Variants in STK3 observed in about 807,000 individuals in gnomAD.
STK3 encodes serine/threonine kinase 3.
A neutral mutation model predicts 58.0 loss-of-function variants in STK3; 41 were observed. The ratio of observed to expected loss-of-function variants is 0.71; its 90% CI spans 0.55 to 0.92. The LOEUF (loss-of-function observed/expected upper bound fraction) is 0.92. STK3 is among the 40% of genes least tolerant of loss of function. The probability of loss-of-function intolerance (pLI) is 0.00; values close to 1 mark genes in which losing one functional copy is unlikely to be tolerated. For missense variants in STK3, 479 were observed against 602.7 expected (o/e 0.79, Z 2.15); for synonymous variants, 170 against 191.0 (o/e 0.89, Z 0.91).
intron 6 of STK3, among the ~76,000 whole-genome samples, chr8:98,674,136 T>A (rs1383693821): frequency 6.6e-6 from 1 of 152,220 alleles, no homozygotes; most frequent in African/African-American, 2.4e-5. Flanking sequence ...TACTGCTATA[T>A]GTCATCCAAG....
At chr8:98,563,352 C>T (rs1008528813) in intron 8 of STK3, among the ~76,000 whole-genome samples, 2 of 152,052 alleles carry the variant, frequency 1.3e-5, no homozygotes, top group Non-Finnish European at 2.9e-5. Flanking sequence ...GAGTCAGACA[C>T]AACAGTATAA....
rs140159901 is a variant in STK3, at chr8:98,428,085, C to A, written n.483+6042G>T. On this transcript the variant is annotated intron_variant and non_coding_transcript_variant, in intron 3 of 3. Transcript: ENST00000517832. The surrounding 1 kb of genome is among the most constrained non-coding windows in gnomAD (Gnocchi z 6.7). ...GAGGAGGCTGCGCTCGCACACGCTG[C>A]TGCGCTTCCCCGAGACGCGCCTGGG... 1.5e-5 allele frequency: 25 copies of A among 1,613,716 alleles called. No individual in the cohort carries two copies. Among genetic ancestry groups the A allele is most frequent in the Non-Finnish European group, 1.9e-5 (22 of 1,179,990 alleles).
chr8:98,774,466 A>G (rs1386789281), intron 2 of STK3, among the ~76,000 whole-genome samples: 1 of 152,210 alleles, frequency 6.6e-6, no homozygotes, highest in African/African-American at 2.4e-5. Context: ...AGAATGCCGT[A>G]AGGGATGAAC....
chr8:98,827,438 A>G (rs1326866364), upstream of STK3, among the ~76,000 whole-genome samples: 7 of 152,216 alleles, frequency 4.6e-5, no homozygotes, highest in African/African-American at 1.7e-4. Flanking sequence ...AAGGAAACCA[A>G]TTTGAAGAGA....
At chr8:98,511,976 T>A (rs888097664) in intron 10 of STK3, among the ~76,000 whole-genome samples, 9 of 152,126 alleles carry the variant, frequency 5.9e-5, no homozygotes, top group Non-Finnish European at 8.8e-5. Context: ...TTAAATTTTT[T>A]AATTATTATT....
chr8:98,617,484 G>C (rs1817852652), intron 6 of STK3, among the ~76,000 whole-genome samples: 1 of 144,632 alleles, frequency 6.9e-6, no homozygotes, highest in African/African-American at 2.6e-5. Context: ...GAAGGAAATA[G>C]AGACACAAAA....
intron 6 of STK3, among the ~76,000 whole-genome samples, chr8:98,622,962 C>G (rs1368680051): frequency 6.6e-6 from 1 of 151,998 alleles, no homozygotes; most frequent in Non-Finnish European, 1.5e-5. Flanking sequence ...AATGATTGAG[C>G]AGTAGTATAT....
At chr8:98,624,316 C>G (rs1393622910) in intron 6 of STK3, among the ~76,000 whole-genome samples, 1 of 152,154 alleles carries the variant, frequency 6.6e-6, no homozygotes, top group Non-Finnish European at 1.5e-5. Context: ...CTAGCTCTAT[C>G]AGTGTAGCTG....
intron 6 of STK3, among the ~76,000 whole-genome samples, chr8:98,680,907 G>A (rs753066157): frequency 7.3e-5 from 11 of 151,582 alleles, no homozygotes; most frequent in Non-Finnish European, 1.3e-4. Flanking sequence ...AGATGTGGTG[G>A]GAATCCATTA....
chr8:98,705,277 G>C (rs1347214690), intron 6 of STK3, among the ~76,000 whole-genome samples: 3 of 151,974 alleles, frequency 2.0e-5, no homozygotes, highest in Admixed American at 2.0e-4. Flanking sequence ...GTTGGGCATG[G>C]TGGTGCATAC....
chr8:98,659,484 T>C (rs1821803537), intron 6 of STK3, among the ~76,000 whole-genome samples: 1 of 151,882 alleles, frequency 6.6e-6, no homozygotes, highest in African/African-American at 2.4e-5. Context: ...ATGTCAGCAA[T>C]ACAATTTTGA....
intron 3 of STK3, among the ~76,000 whole-genome samples, chr8:98,837,377 A>G (rs1835785791): frequency 6.6e-6 from 1 of 151,458 alleles, no homozygotes; most frequent in Admixed American, 6.6e-5. Context: ...AAAAAAAAAA[A>G]AAGAAAGAAA....
At chr8:98,407,587 G>A (rs1377834121) in intron 3 of STK3, among the ~76,000 whole-genome samples, 1 of 152,172 alleles carries the variant, frequency 6.6e-6, no homozygotes, top group African/African-American at 2.4e-5. Flanking sequence ...GAGAGGGTGG[G>A]GATATTTATG....
chr8:98,570,068 T>C (rs945062281), intron 8 of STK3, among the ~76,000 whole-genome samples: 62 of 147,812 alleles, frequency 4.2e-4, no homozygotes, highest in African/African-American at 1.5e-3. Flanking sequence ...TATAAAAATA[T>C]ATATTGTAAA....
At chr8:98,526,668 T>C in intron 10 of STK3, 74 bp downstream of exon 10, 2 of 1,297,474 alleles carry the variant, frequency 1.5e-6, no homozygotes, top group Non-Finnish European at 2.1e-6. Flanking sequence ...CATATACATA[T>C]GAACTATGCT....
intron 6 of STK3, among the ~76,000 whole-genome samples, chr8:98,704,492 G>A (rs551712694): frequency 2.8e-4 from 43 of 151,702 alleles, no homozygotes; most frequent in Non-Finnish European, 5.2e-4. Context: ...TTACTTGGGC[G>A]ATAGCTGTCA....
chr8:98,429,054 G>A (rs761932638), intron 3 of STK3: 3 of 1,612,992 alleles, frequency 1.9e-6, no homozygotes, highest in South Asian at 1.1e-5. Flanking sequence ...CGAGGGCCTG[G>A]CCACCATCCC....
At position 98,428,231 on chromosome 8, in the gene STK3, C is replaced by G. The variant is rs1271020015; in HGVS notation, n.483+5896G>C. The G allele has an allele frequency of 1.9e-6, 3 of 1,614,168 alleles. No individual in the cohort carries two copies. The highest frequency in any genetic ancestry group is 2.5e-6 in the Non-Finnish European group (3 of 1,180,018). On this transcript the variant is annotated intron_variant and non_coding_transcript_variant, in intron 3 of 3. Transcript: ENST00000517832. This position sits in a 1 kb window ranked among gnomAD's most constrained non-coding sequence, Gnocchi z 6.7. The stretch of plus-strand genomic sequence containing the variant: ...AGCTCTTCCCCTACGTGCTGCATTT[C>G]TATCACACCGGCAAGCTTCACGTCA...
At chr8:98,795,744 C>T (rs547413797) in intron 1 of STK3, among the ~76,000 whole-genome samples, 4 of 152,086 alleles carry the variant, frequency 2.6e-5, no homozygotes, top group Middle Eastern at 3.4e-3. Flanking sequence ...ACACCAGTAA[C>T]GTTCCAGCTG....
Sources: gnomAD v4.1 joint callset for allele counts (sites outside exome capture counted in the v4.1 genomes callset) on GRCh38, gnomAD v4.1.1 for gene constraint, Gnocchi (gnomAD v3.1) non-coding constraint, MANE v1.5 for transcripts, NCBI Gene and HGNC (gene_info 2026-07-23, HGNC 2026-07-21) for gene names.